Variants in PRIM2 observed in about 807,000 individuals in gnomAD.
The protein encoded by PRIM2 is DNA primase large subunit.
In PRIM2, 39 loss-of-function variants were observed where a neutral mutation model predicts 67.3. The observed-to-expected ratio is 0.58, with a 90% CI of 0.45 to 0.76. The LOEUF (loss-of-function observed/expected upper bound fraction) is 0.76, where lower values mean the gene tolerates loss of function less well. Ranked by LOEUF, PRIM2 falls within the 30% of genes least tolerant of loss-of-function variation. The probability of loss-of-function intolerance (pLI) is 0.00; values close to 1 mark genes in which losing one functional copy is unlikely to be tolerated. For synonymous variants in PRIM2, 143 were observed against 198.7 expected, an observed-to-expected ratio of 0.72 and a Z score of 2.36; for missense variants, 398 against 598.7, an observed-to-expected ratio of 0.66 and a Z score of 3.50.
intron 13 of PRIM2, among the ~76,000 whole-genome samples, chr6:57,644,710 G>A (rs1777305023): frequency 6.6e-6 from 1 of 152,188 alleles, no homozygotes; most frequent in South Asian, 2.1e-4. Context: ...GTTAATACAA[G>A]ACAGATGAAC....
the PRIM2 span, among the ~76,000 whole-genome samples, chr6:57,233,703 G>A: frequency 6.7e-6 from 1 of 149,722 alleles, no homozygotes; most frequent in African/African-American, 2.5e-5. Flanking sequence ...AAGCTAGAGT[G>A]CAGTTGTGCC....
At chr6:57,485,959 G>A (rs1773743284) in intron 7 of PRIM2, among the ~76,000 whole-genome samples, 1 of 152,132 alleles carries the variant, frequency 6.6e-6, no homozygotes, top group Admixed American at 6.6e-5. Flanking sequence ...TGCCAAGAAG[G>A]GAGTCATCAG....
At chr6:57,330,983 C>A (rs1768038970) in intron 5 of PRIM2, among the ~76,000 whole-genome samples, 1 of 151,764 alleles carries the variant, frequency 6.6e-6, no homozygotes, top group East Asian at 1.9e-4. Flanking sequence ...GAGTTTGAGA[C>A]CGGCCTGACC....
intron 8 of PRIM2, among the ~76,000 whole-genome samples, chr6:57,509,890 A>G (rs1367690995): frequency 6.7e-6 from 1 of 150,194 alleles, no homozygotes; most frequent in Non-Finnish European, 1.5e-5. Context: ...TATTTTAGAA[A>G]TATATAAAGT....
In PRIM2 at chr6:57,578,828, T is replaced by C. The variant is rs1226973082; in HGVS notation, c.1021-22265T>C. Among the ~76,000 whole-genome samples the C allele has an allele frequency of 1.4e-3, 208 of 151,366 alleles. 5 individuals carry two copies. In the East Asian group the frequency reaches 0.019, roughly 13 times the overall value. On this transcript the variant is annotated intron_variant, in intron 10 of 13. Transcript: ENST00000615550. ...AGTAGCTGGGACTACAGGCGCCCGC[T>C]ACCACGCCCGGCTAATTTTTTGTAT...
At chr6:57,540,897 T>C (rs1775135133) in intron 10 of PRIM2, among the ~76,000 whole-genome samples, 1 of 152,242 alleles carries the variant, frequency 6.6e-6, no homozygotes, top group Non-Finnish European at 1.5e-5. Context: ...TCTGTGATGC[T>C]AATCATCTCA....
chr6:57,336,234 T>C (rs1321978875), intron 5 of PRIM2, among the ~76,000 whole-genome samples: 14 of 152,292 alleles, frequency 9.2e-5, no homozygotes, highest in South Asian at 2.1e-4. Flanking sequence ...TGCGTCTGAT[T>C]GGTGTACCTG....
intron 5 of PRIM2, among the ~76,000 whole-genome samples, chr6:57,333,577 G>C (rs1301821961): frequency 6.6e-6 from 1 of 151,816 alleles, no homozygotes; most frequent in Non-Finnish European, 1.5e-5. Flanking sequence ...TTTTATTATT[G>C]CTTTAATAAT....
At chr6:57,260,727 A>G in the PRIM2 span, among the ~76,000 whole-genome samples, 1 of 152,196 alleles carries the variant, frequency 6.6e-6, no homozygotes. Flanking sequence ...CGGGCAGACA[A>G]ACATCCCAGG....
At chr6:57,278,118 A>C in the PRIM2 span, among the ~76,000 whole-genome samples, 3 of 151,596 alleles carry the variant, frequency 2.0e-5, no homozygotes, top group Non-Finnish European at 4.4e-5. Context: ...CTTCAAGTTG[A>C]GAGTTTGAGA....
the PRIM2 span, among the ~76,000 whole-genome samples, chr6:57,224,111 A>G: frequency 1.3e-5 from 2 of 152,226 alleles, no homozygotes; most frequent in African/African-American, 4.8e-5. Context: ...AAAATGTAGT[A>G]TATACATGCA....
the PRIM2 span, among the ~76,000 whole-genome samples, chr6:57,247,658 G>T: frequency 2.0e-5 from 3 of 152,030 alleles, no homozygotes; most frequent in African/African-American, 7.2e-5. Flanking sequence ...GTGTTTCATG[G>T]GACTATCAAA....
chr6:57,312,446 G>A (rs1437603890), upstream of PRIM2, among the ~76,000 whole-genome samples: 1 of 151,828 alleles, frequency 6.6e-6, no homozygotes, highest in African/African-American at 2.4e-5. Context: ...AGGCTGCAGT[G>A]GGCAGTGATA....
intron 7 of PRIM2, among the ~76,000 whole-genome samples, chr6:57,465,995 CGGTG>C (rs1382660839): frequency 6.6e-6 from 1 of 151,784 alleles, no homozygotes; most frequent in Non-Finnish European, 1.5e-5. Flanking sequence ...TGACAGGCCC[CGGTG>C]TGTGATGTTC....
chr6:57,519,681 G>A lies in PRIM2; in HGVS notation c.761+12227G>A, dbSNP rs1384403697. Among the ~76,000 whole-genome samples, 3 of 152,100 alleles carry A rather than the reference G, an allele frequency of 2.0e-5. No individual in the cohort carries two copies. In the East Asian group the frequency reaches 5.8e-4, roughly 29 times the overall value. On this transcript the variant is annotated intron_variant, in intron 8 of 13. Transcript: ENST00000615550. ...GTGCAGTTAATGCAATTATTACAGGGTCCTGAGGCGACATCCTCCTCAGCT... is the reference window on the plus strand; with the variant it reads ...GTGCAGTTAATGCAATTATTACAGGATCCTGAGGCGACATCCTCCTCAGCT...
At chr6:57,617,851 T>A (rs1241525026) in intron 12 of PRIM2, among the ~76,000 whole-genome samples, 16 of 152,362 alleles carry the variant, frequency 1.1e-4, no homozygotes, top group African/African-American at 3.8e-4. Flanking sequence ...TATGGCTTTG[T>A]ATAAAAGTAT....
intron 10 of PRIM2, among the ~76,000 whole-genome samples, chr6:57,577,105 T>C (rs1775977245): frequency 6.6e-6 from 1 of 152,232 alleles, no homozygotes; most frequent in Admixed American, 6.5e-5. Flanking sequence ...AGATTCTGAA[T>C]ATAGCCTCTG....
chr6:57,409,456 G>A (rs1349113105), intron 7 of PRIM2, among the ~76,000 whole-genome samples: 1 of 152,168 alleles, frequency 6.6e-6, no homozygotes, highest in Non-Finnish European at 1.5e-5. Context: ...TTACAGGTGT[G>A]AGCCACTGCT....
At chr6:57,508,663 T>C (rs1200498521) in intron 8 of PRIM2, among the ~76,000 whole-genome samples, 1 of 152,194 alleles carries the variant, frequency 6.6e-6, no homozygotes, top group Non-Finnish European at 1.5e-5. Context: ...CATGTAACTA[T>C]ACTCTGAACA....
Sources: gnomAD v4.1 joint callset for allele counts (sites outside exome capture counted in the v4.1 genomes callset) on GRCh38, gnomAD v4.1.1 for gene constraint, MANE v1.5 for transcripts, NCBI Gene and HGNC (gene_info 2026-07-23, HGNC 2026-07-21) for gene names.